MITF: variants seen among roughly 807,000 people sequenced by gnomAD.
MITF encodes microphthalmia-associated transcription factor.
Under a neutral mutation model 60.5 loss-of-function variants are expected in MITF, and 17 were observed. The observed-to-expected ratio is 0.28, with a 90% CI of 0.19 to 0.42. MITF has a LOEUF of 0.42. Ranked by LOEUF, MITF falls within the 10% of genes least tolerant of loss-of-function variation. The pLI is 1.00. For synonymous variants in MITF, 260 were observed against 248.5 expected, an observed-to-expected ratio of 1.05 and a Z score of -0.43; for missense variants, 622 against 683.5, an observed-to-expected ratio of 0.91 and a Z score of 1.00.
At chr3:69,749,110 T>C (rs1703835241) in intron 1 of MITF, among the ~76,000 whole-genome samples, 1 of 152,176 alleles carries the variant, frequency 6.6e-6, no homozygotes, top group African/African-American at 2.4e-5. Flanking sequence ...CTAAAGATGA[T>C]TTCCTTGTTT....
At chr3:69,863,435 T>G (rs919209521) in intron 1 of MITF, among the ~76,000 whole-genome samples, 2 of 152,224 alleles carry the variant, frequency 1.3e-5, no homozygotes, top group Admixed American at 6.5e-5. Context: ...GAAATATTTC[T>G]TGAGGCGGTG....
At chr3:69,792,460 A>T (rs574471858) in intron 1 of MITF, among the ~76,000 whole-genome samples, 197 of 148,670 alleles carry the variant, frequency 1.3e-3, no homozygotes, top group African/African-American at 4.2e-3. Context: ...TTTTTTTTTT[A>T]AATTCCAAAA....
At chr3:69,759,246 G>T (rs1401591017) in intron 1 of MITF, among the ~76,000 whole-genome samples, 2 of 152,114 alleles carry the variant, frequency 1.3e-5, no homozygotes, top group Non-Finnish European at 2.9e-5. Context: ...CATTAACGTT[G>T]AACTTGTGGC....
At chr3:69,764,367 T>C (rs956335951) in intron 1 of MITF, among the ~76,000 whole-genome samples, 1 of 152,224 alleles carries the variant, frequency 6.6e-6, no homozygotes, top group Non-Finnish European at 1.5e-5. Context: ...TCACTGAATT[T>C]CTTAAATTAC....
intron 7 of MITF, among the ~76,000 whole-genome samples, chr3:69,955,650 A>C (rs1021304104): frequency 2.7e-4 from 41 of 151,808 alleles, no homozygotes; most frequent in Non-Finnish European, 4.4e-4. Flanking sequence ...CCCCTTCTCT[A>C]CTAAAAGTAC....
At chr3:69,768,247 A>G (rs2062332641) in intron 1 of MITF, among the ~76,000 whole-genome samples, 1 of 152,158 alleles carries the variant, frequency 6.6e-6, no homozygotes, top group African/African-American at 2.4e-5. Flanking sequence ...TTTCTATAGG[A>G]AATTTTGGAG....
rs955837917 is a variant in MITF at position 69,926,241 on chromosome 3, A to C, written c.355-11581A>C. On this transcript the variant is annotated intron_variant, in intron 2 of 9. Coordinates refer to ENST00000352241, the MANE Select transcript of MITF (RefSeq NM_001354604.2). ...CAAGTTTTAAGAATTTCCCAAGCCA[A>C]TGCAGTTTCTCAAAAACCAGAAGGA... Among the ~76,000 whole-genome samples, 10 of 152,318 alleles carry C rather than the reference A, an allele frequency of 6.6e-5. No individual in the cohort carries two copies. In the South Asian group the frequency reaches 8.3e-4, roughly 13 times the overall value.
At chr3:69,887,825 G>A (rs553240896) in intron 2 of MITF, among the ~76,000 whole-genome samples, 9 of 152,060 alleles carry the variant, frequency 5.9e-5, no homozygotes, top group South Asian at 2.1e-4. Flanking sequence ...TTTACTAGGA[G>A]AGCATATGCA....
intron 2 of MITF, among the ~76,000 whole-genome samples, chr3:69,891,890 A>G (rs981159186): frequency 5.9e-5 from 9 of 152,204 alleles, no homozygotes; most frequent in African/African-American, 2.2e-4. Context: ...TTATGTGCAT[A>G]TATTTATGAA....
intron 2 of MITF, among the ~76,000 whole-genome samples, chr3:69,928,601 G>T (rs1343693678): frequency 6.6e-6 from 1 of 152,192 alleles, no homozygotes; most frequent in African/African-American, 2.4e-5. Context: ...ACTCTGATAA[G>T]TTGCTGGCCC....
At chr3:69,746,221 TC>T in intron 1 of MITF, among the ~76,000 whole-genome samples, 1 of 152,360 alleles carries the variant, frequency 6.6e-6, no homozygotes, top group African/African-American at 2.4e-5. Context: ...TATGTTTAAT[TC>T]CCTTTGAGTT....
chr3:69,865,612 G>A (rs922089997), intron 1 of MITF, among the ~76,000 whole-genome samples: 5 of 152,112 alleles, frequency 3.3e-5, no homozygotes, highest in Non-Finnish European at 5.9e-5. Flanking sequence ...GAAAGATGGT[G>A]GCCATAATTA....
rs187757090 is a variant in MITF at position 69,797,263 on chromosome 3, T to A, written c.104+57562T>A. On this transcript the variant is annotated intron_variant, in intron 1 of 9. Coordinates refer to ENST00000352241, the MANE Select transcript of MITF (RefSeq NM_001354604.2). ...TTGTGCTCAAGGAGTTTGTTTGAGT[T>A]TTTTAACCTGTGTTCTCAGATTGTA... Among the ~76,000 whole-genome samples the A allele has an allele frequency of 4.5e-3, 681 of 152,272 alleles. 2 individuals carry two copies. Among genetic ancestry groups the A allele is most frequent in the South Asian group, 0.016 (77 of 4,802 alleles).
intron 1 of MITF, among the ~76,000 whole-genome samples, chr3:69,862,485 A>T (rs2064034388): frequency 6.6e-6 from 1 of 152,214 alleles, no homozygotes; most frequent in African/African-American, 2.4e-5. Context: ...GAAAGAATAT[A>T]AGAAAATATG....
In MITF at chr3:69,879,172, T is replaced by A. The variant is rs780071894; in HGVS notation, c.143T>A (p.Ile48Lys). 3 of 1,614,252 alleles carry A rather than the reference T, an allele frequency of 1.9e-6. No homozygotes were observed. In the Admixed American group the frequency reaches 5.0e-5, roughly 27 times the overall value. ...AEHPGASKPP[I>K]SSSSMTSRIL... is the part of the protein sequence containing the mutation. The stretch of plus-strand genomic sequence containing the variant: ...CATCCTGGGGCCTCCAAGCCTCCGA[T>A]AAGCTCCTCCAGTATGACATCACGC... The change falls in exon 2 of 10, where the codon ATA becomes AAA. Residue 48 changes from isoleucine to lysine, a missense_variant. Physicochemically the swap from Ile to Lys is moderately radical, Grantham distance 102. Around this residue, in one of 5 missense-constraint regions of MITF, gnomAD observed 149 missense variants for 157.8 expected, o/e 0.94. Transcript: ENST00000352241.
intron 1 of MITF, among the ~76,000 whole-genome samples, chr3:69,796,494 CT>C (rs767834091): frequency 0.013 from 1,028 of 80,342 alleles, 4 homozygotes; most frequent in Middle Eastern, 0.033. Flanking sequence ...CACCGTCTTT[CT>C]TTTTTTTTTT....
intron 2 of MITF, among the ~76,000 whole-genome samples, chr3:69,912,418 A>G (rs2065244066): frequency 2.0e-5 from 3 of 152,208 alleles, no homozygotes; most frequent in Admixed American, 1.3e-4. Flanking sequence ...AAGTTAACAA[A>G]AAAGGTAAGG....
At chr3:69,961,863 C>T (rs1351060915) in intron 9 of MITF, among the ~76,000 whole-genome samples, 1 of 152,282 alleles carries the variant, frequency 6.6e-6, no homozygotes, top group Non-Finnish European at 1.5e-5. Context: ...ATATGAAATA[C>T]GAATATTGTG....
intron 1 of MITF, among the ~76,000 whole-genome samples, chr3:69,805,472 T>C (rs2062989806): frequency 1.3e-5 from 2 of 151,862 alleles, no homozygotes; most frequent in Admixed American, 6.6e-5. Context: ...TTGGGTTTTT[T>C]TGCAGTGATT....
Sources: gnomAD v4.1 joint callset for allele counts (sites outside exome capture counted in the v4.1 genomes callset) on GRCh38, gnomAD v4.1.1 for gene constraint, gnomAD v4.1.1 regional missense constraint, MANE v1.5 for transcripts, NCBI Gene and HGNC (gene_info 2026-07-23, HGNC 2026-07-21) for gene names.